COLGALT2: variants seen among roughly 807,000 people sequenced by gnomAD.
COLGALT2 encodes the protein procollagen galactosyltransferase 2.
In COLGALT2, 49 loss-of-function variants were observed where a neutral mutation model predicts 73.4. The ratio of observed to expected loss-of-function variants is 0.67; its 90% CI spans 0.53 to 0.85. The LOEUF (loss-of-function observed/expected upper bound fraction) is 0.85. Among genes scored for constraint, COLGALT2 ranks in the 40% least tolerant of loss-of-function variants. The pLI is 0.00. For missense variants in COLGALT2, 722 were observed against 790.2 expected, an observed-to-expected ratio of 0.91 and a Z score of 1.03; for synonymous variants, 295 against 307.6, an observed-to-expected ratio of 0.96 and a Z score of 0.43.
At position 183,945,582 on chromosome 1, in the gene COLGALT2, C is replaced by T. The variant is rs370719557; in HGVS notation, c.1137-18G>A. On this transcript the variant is annotated intron_variant, in intron 8 of 11. Transcript: ENST00000361927. ...TGAGTGCCCTGCATCACATAAAACA[C>T]GTCTGGAGATTAACAAGTCAAAGGT... The T allele has an allele frequency of 3.1e-4, 507 of 1,612,792 alleles. 1 individual carries two copies. Among genetic ancestry groups the T allele is most frequent in the Non-Finnish European group, 4.1e-4 (489 of 1,179,582 alleles).
At chr1:183,949,856 GAT>G (rs1177348213) in intron 8 of COLGALT2, among the ~76,000 whole-genome samples, 1 of 152,142 alleles carries the variant, frequency 6.6e-6, no homozygotes, top group Non-Finnish European at 1.5e-5. Flanking sequence ...TTGCATCCAG[GAT>G]ATATAAAGAA....
intron 1 of COLGALT2, among the ~76,000 whole-genome samples, chr1:184,007,796 C>T (rs1049190212): frequency 6.6e-6 from 1 of 152,180 alleles, no homozygotes; most frequent in Non-Finnish European, 1.5e-5. Context: ...TTGAAAAGAG[C>T]TCTACCCTAC....
intron 1 of COLGALT2, among the ~76,000 whole-genome samples, chr1:184,017,853 T>A (rs1649055407): frequency 6.6e-6 from 1 of 152,110 alleles, no homozygotes; most frequent in Non-Finnish European, 1.5e-5. Flanking sequence ...TGAACTTCAG[T>A]TTCCCCTTAG....
At chr1:184,036,623 C>T (rs563542587) in intron 1 of COLGALT2, among the ~76,000 whole-genome samples, 1 of 152,340 alleles carries the variant, frequency 6.6e-6, no homozygotes, top group South Asian at 2.1e-4. Flanking sequence ...GGCGCCCCAG[C>T]CACTGCGGAG....
chr1:184,031,825 T>G (rs1236523669), intron 1 of COLGALT2, among the ~76,000 whole-genome samples: 1 of 133,988 alleles, frequency 7.5e-6, no homozygotes, highest in African/African-American at 3.4e-5. Context: ...GTATCCTTCC[T>G]TCCTTCCTTC....
chr1:183,977,313 T>C (rs1394007489), intron 2 of COLGALT2, among the ~76,000 whole-genome samples: 1 of 150,452 alleles, frequency 6.6e-6, no homozygotes, highest in Non-Finnish European at 1.5e-5. Context: ...CTACTCAAAA[T>C]ACAAAAAAAT....
intron 1 of COLGALT2, among the ~76,000 whole-genome samples, chr1:184,030,654 C>T (rs1234418742): frequency 1.3e-5 from 2 of 152,136 alleles, no homozygotes; most frequent in Admixed American, 6.5e-5. Context: ...CCACCAGAAA[C>T]AGACAAGCAA....
At chr1:184,028,136 C>G (rs531896955) in intron 1 of COLGALT2, among the ~76,000 whole-genome samples, 10 of 152,082 alleles carry the variant, frequency 6.6e-5, no homozygotes, top group African/African-American at 2.4e-4. Flanking sequence ...GGCTGGCAAC[C>G]AAGAAACTAA....
chr1:183,966,441 G>A (rs1276093843), intron 5 of COLGALT2, among the ~76,000 whole-genome samples: 1 of 152,124 alleles, frequency 6.6e-6, no homozygotes, highest in Non-Finnish European at 1.5e-5. Context: ...TCAGATTCAG[G>A]CTGTCACTTG....
intron 1 of COLGALT2, among the ~76,000 whole-genome samples, chr1:184,018,895 C>A (rs1028426591): frequency 1.3e-5 from 2 of 152,068 alleles, no homozygotes; most frequent in Non-Finnish European, 2.9e-5. Flanking sequence ...GGAGGGGAAG[C>A]GTTTTAAAAA....
chr1:184,034,895 A>T (rs1649624975), intron 1 of COLGALT2, among the ~76,000 whole-genome samples: 2 of 152,240 alleles, frequency 1.3e-5, no homozygotes, highest in Admixed American at 1.3e-4. Context: ...CATGGAAGTT[A>T]TTTCCAAAGG....
At chr1:183,983,730 G>T (rs1196825297) in intron 1 of COLGALT2, among the ~76,000 whole-genome samples, 1 of 152,190 alleles carries the variant, frequency 6.6e-6, no homozygotes, top group East Asian at 1.9e-4. Context: ...CCCTCAGGAG[G>T]AGCTGAGGCA....
exon 12 of COLGALT2, chr1:183,930,118 G>A (rs983737269): frequency 3.7e-5 from 16 of 436,022 alleles, no homozygotes; most frequent in East Asian, 3.5e-4. Context: ...CCCCGGGCCC[G>A]ATGTGAGTAC....
At position 183,936,359 on chromosome 1, in the gene COLGALT2, A is replaced by AC. The variant is rs1669954156; in HGVS notation, c.*2401dup. On this transcript the variant is annotated 3_prime_UTR_variant, in exon 12 of 12. Transcript: ENST00000361927. ...CTCACAGTGTTCACCAGAAAAGAAC[A>AC]CTGCTTGGGATTCTAGACCTGAGCA... 1 of 985,782 alleles carries AC rather than the reference A, an allele frequency of 1.0e-6. No homozygotes were observed. Among genetic ancestry groups the AC allele is most frequent in the South Asian group, 4.7e-5 (1 of 21,288 alleles). The allele number at this position is 985,782 out of a possible 1,614,324, so 61.1% of individuals were successfully genotyped here.
At chr1:183,977,482 A>AG (rs907094415) in intron 2 of COLGALT2, among the ~76,000 whole-genome samples, 2 of 150,690 alleles carry the variant, frequency 1.3e-5, no homozygotes, top group Non-Finnish European at 3.0e-5. Context: ...AAAAAAAAAA[A>AG]AAAGAAAGAA....
In COLGALT2 at chr1:183,941,091, T is replaced by C. The variant is rs150736126; in HGVS notation, c.1398-304A>G. Among the ~76,000 whole-genome samples, 460 of 152,218 alleles carry C rather than the reference T, an allele frequency of 3.0e-3. 4 individuals carry two copies. The highest frequency in any genetic ancestry group is 3.2e-3 in the Non-Finnish European group (220 of 68,004). ...GATCTTTCAGATCATTTCTTAAAGA[T>C]GGGATGGGGCTTCCAGCTGTGTTTA... On this transcript the variant is annotated intron_variant, in intron 10 of 11. Transcript: ENST00000361927.
At chr1:183,964,162 A>G in intron 5 of COLGALT2, 142 bp from the exon 6 acceptor site, 1 of 795,002 alleles carries the variant, frequency 1.3e-6, no homozygotes. Context: ...ATGTCTATAG[A>G]CCTAAAAAAT....
intron 4 of COLGALT2, among the ~76,000 whole-genome samples, chr1:183,970,059 G>GT (rs1670994369): frequency 1.3e-5 from 2 of 152,168 alleles, no homozygotes; most frequent in Non-Finnish European, 2.9e-5. Flanking sequence ...ACATTACACT[G>GT]TGGCTAATAT....
chr1:183,930,109 C>T (rs1442051019), exon 12 of COLGALT2: 2 of 422,082 alleles, frequency 4.7e-6, no homozygotes, highest in African/African-American at 4.1e-5. Flanking sequence ...TCAACCAGTC[C>T]CCGGGCCCGA....
Sources: allele counts gnomAD v4.1 joint callset (sites outside exome capture counted in the v4.1 genomes callset), GRCh38; gene constraint gnomAD v4.1.1; transcripts MANE v1.5; gene names NCBI Gene and HGNC (gene_info 2026-07-23, HGNC 2026-07-21).